The following ARHGAP42 variants were observed in gnomAD, a reference collection of about 807,000 sequenced individuals.
ARHGAP42 encodes the protein Rho GTPase activating protein 42.
ARHGAP42 carries 63 observed loss-of-function variants against 125.0 expected under a neutral mutation model. That is an observed-to-expected ratio of 0.50 (90% confidence interval 0.41 to 0.62). ARHGAP42 has a LOEUF of 0.62. Among genes scored for constraint, ARHGAP42 ranks in the 20% least tolerant of loss-of-function variants. The pLI is 0.00. For missense variants in ARHGAP42, 766 were observed against 1,024.2 expected (o/e 0.75, Z 3.44); for synonymous variants, 339 against 351.0 (o/e 0.97, Z 0.38).
At position 100,979,040 on chromosome 11, in the gene ARHGAP42, C is replaced by T; in HGVS notation, c.2447C>T (p.Ser816Phe). The change falls in exon 22 of 24, where the codon TCT becomes TTT. Residue 816 changes from serine (S) to phenylalanine (F), a missense_variant. Ser to Phe is a radical substitution (Grantham distance 155). Around this residue, in one of 3 missense-constraint regions of ARHGAP42, gnomAD observed 308 missense variants for 369.7 expected, o/e 0.83. Transcript: ENST00000298815. ...FENVGSPKPV[S>F]SGRQAKAMYS... Reference sequence around the variant, plus strand: ...AATGTTGGTTCACCTAAACCAGTTTCTTCTGGGCGGTAAGTTCTCCAAACC... The same window carrying T: ...AATGTTGGTTCACCTAAACCAGTTTTTTCTGGGCGGTAAGTTCTCCAAACC... 1 of 1,551,550 alleles carries T rather than the reference C, an allele frequency of 6.4e-7. No individual in the cohort carries two copies. Among genetic ancestry groups the T allele is most frequent in the Non-Finnish European group, 8.7e-7 (1 of 1,146,822 alleles).
At chr11:100,887,631 G>T (rs966692977) in intron 4 of ARHGAP42, among the ~76,000 whole-genome samples, 6 of 152,182 alleles carry the variant, frequency 3.9e-5, no homozygotes, top group Non-Finnish European at 7.4e-5. Context: ...GACGTTAAAT[G>T]ATGGACACAG....
At chr11:100,987,474 T>G in intron 22 of ARHGAP42, 39 bp from the exon 23 acceptor site, 3 of 1,480,600 alleles carry the variant, frequency 2.0e-6, no homozygotes, top group Non-Finnish European at 2.8e-6. Flanking sequence ...GTCCTTAGGT[T>G]GAGTGTTGAG....
chr11:100,914,861 C>T (rs1022195463), intron 5 of ARHGAP42, among the ~76,000 whole-genome samples: 4 of 152,134 alleles, frequency 2.6e-5, no homozygotes, highest in African/African-American at 9.7e-5. Flanking sequence ...TGCTTGACAA[C>T]TCAGAGTGTT....
Position 100,988,864 on chromosome 11 carries a change from T to C in ARHGAP42, c.*63T>C. The C allele has an allele frequency of 7.9e-7, 1 of 1,265,020 alleles. No individual in the cohort carries two copies. Among genetic ancestry groups the C allele is most frequent in the South Asian group, 1.4e-5 (1 of 73,128 alleles). The allele number at this position is 1,265,020 out of a possible 1,614,324, so 78.4% of individuals were successfully genotyped here. Reference sequence around the variant, plus strand: ...TGGTAACGAATAAATGCTATGATTTTATCTGACACAGATACACGGGGATCA... The same window carrying C: ...TGGTAACGAATAAATGCTATGATTTCATCTGACACAGATACACGGGGATCA... On this transcript the variant is annotated 3_prime_UTR_variant, in exon 24 of 24. Transcript: ENST00000298815.
At position 100,863,049 on chromosome 11, in the gene ARHGAP42, AAAAACAC is replaced by A. The variant is rs1476814339; in HGVS notation, c.384+3433_384+3439del. On this transcript the variant is annotated intron_variant, in intron 4 of 23. Coordinates refer to ENST00000298815, the MANE Select transcript of ARHGAP42 (RefSeq NM_152432.4). ...CGAAACTCCGTCTCAAAAAAAAAAA[AAAAACAC>A]AAAACACACACACACACACACACAC... 2.5e-4 allele frequency among the ~76,000 whole-genome samples: 22 copies of A among 89,226 alleles called. No homozygotes were observed. In the East Asian group the frequency reaches 6.4e-3, roughly 26 times the overall value. 58.5% of individuals were successfully genotyped at this position (89,226 alleles called of 152,430 possible). A position where few individuals can be genotyped will look rare whatever the true frequency, so the allele number is the denominator to read the frequency against.
chr11:100,707,420 A>G (rs893468069), intron 1 of ARHGAP42, among the ~76,000 whole-genome samples: 11 of 152,220 alleles, frequency 7.2e-5, no homozygotes, highest in African/African-American at 2.7e-4. Flanking sequence ...TTTCGTAACA[A>G]ATTCAGACAG....
At chr11:100,900,938 A>G (rs1866528971) in intron 4 of ARHGAP42, among the ~76,000 whole-genome samples, 1 of 152,120 alleles carries the variant, frequency 6.6e-6, no homozygotes, top group South Asian at 2.1e-4. Flanking sequence ...ATTGCTGACG[A>G]GGAGCTGCGA....
At chr11:100,842,559 TG>T (rs1864967894) in intron 3 of ARHGAP42, among the ~76,000 whole-genome samples, 1 of 152,078 alleles carries the variant, frequency 6.6e-6, no homozygotes, top group Non-Finnish European at 1.5e-5. Context: ...TTAGGAAGCA[TG>T]GAGCAAAGTC....
chr11:100,763,127 C>T (rs930905834), intron 1 of ARHGAP42, among the ~76,000 whole-genome samples: 1 of 151,234 alleles, frequency 6.6e-6, no homozygotes, highest in Non-Finnish European at 1.5e-5. Flanking sequence ...TACAGGCATG[C>T]GCTACCATGC....
At position 100,827,959 on chromosome 11, in the gene ARHGAP42, T is replaced by C. The variant is rs568204588; in HGVS notation, c.313-31595T>C. Reference sequence around the variant, plus strand: ...CACATGGGAGTGGGGGTAAGAGATTTAGAGGCTTTTTATTTCCTAAGTGTT... The same window carrying C: ...CACATGGGAGTGGGGGTAAGAGATTCAGAGGCTTTTTATTTCCTAAGTGTT... On this transcript the variant is annotated intron_variant, in intron 3 of 23. Transcript: ENST00000298815. 3.3e-5 allele frequency among the ~76,000 whole-genome samples: 5 copies of C among 152,310 alleles called. No individual in the cohort carries two copies. The East Asian group carries it at 9.7e-4, about 29-fold the overall frequency.
chr11:100,925,999 T>C (rs1426081427), intron 6 of ARHGAP42, among the ~76,000 whole-genome samples: 1 of 152,174 alleles, frequency 6.6e-6, no homozygotes, highest in Admixed American at 6.5e-5. Flanking sequence ...GTTCTAGAAG[T>C]ACTCTGAACA....
intron 1 of ARHGAP42, among the ~76,000 whole-genome samples, chr11:100,729,396 A>G (rs7126015): frequency 0.29 from 44,698 of 151,972 alleles, 6,972 homozygotes; most frequent in African/African-American, 0.37. Flanking sequence ...ATTAAAGCAT[A>G]AGAAAACTGT....
At position 100,992,804 on chromosome 11, in the gene ARHGAP42, A is replaced by G; in HGVS notation, c.*4003A>G. On this transcript the variant is annotated 3_prime_UTR_variant, in exon 24 of 24. Transcript: ENST00000298815. ...AATCTTACATAAGAATGTTGACAACATTCACAGTAAGCCATTGGCAGAAAA... is the reference window on the plus strand; with the variant it reads ...AATCTTACATAAGAATGTTGACAACGTTCACAGTAAGCCATTGGCAGAAAA... The G allele has an allele frequency of 7.5e-7, 1 of 1,329,750 alleles. No homozygotes were observed. Among genetic ancestry groups the G allele is most frequent in the Non-Finnish European group, 1.0e-6 (1 of 970,312 alleles). The allele number at this position is 1,329,750 out of a possible 1,614,324, so 82.4% of individuals were successfully genotyped here. A position where few individuals can be genotyped will look rare whatever the true frequency, so the allele number is the denominator to read the frequency against.
intron 4 of ARHGAP42, chr11:100,859,940 G>A (rs1274637362): frequency 5.1e-6 from 1 of 197,358 alleles, no homozygotes; most frequent in African/African-American, 2.3e-5. Flanking sequence ...ATTAGGCACA[G>A]GGCACATTGA....
intron 4 of ARHGAP42, among the ~76,000 whole-genome samples, chr11:100,871,870 A>G (rs1865704751): frequency 6.6e-6 from 1 of 152,138 alleles, no homozygotes; most frequent in Non-Finnish European, 1.5e-5. Context: ...CAGCCGCCTG[A>G]GTAGCTGGGA....
intron 3 of ARHGAP42, among the ~76,000 whole-genome samples, chr11:100,850,145 CA>C (rs1865168035): frequency 1.3e-5 from 2 of 152,060 alleles, no homozygotes; most frequent in South Asian, 4.1e-4. Flanking sequence ...GGCATCAGCA[CA>C]ATACTGAAAC....
At position 100,962,417 on chromosome 11, in the gene ARHGAP42, C is replaced by G. The variant is rs1175597600; in HGVS notation, c.1394C>G (p.Ala465Gly). 4 of 1,550,672 alleles carry G rather than the reference C, an allele frequency of 2.6e-6. No homozygotes were observed. The African/African-American group carries it at 5.5e-5, about 21-fold the overall frequency. The change falls in exon 16 of 24, where the codon GCA (alanine) becomes GGA (glycine). Residue 465 changes from alanine (A) to glycine (G), a missense_variant. Coordinates refer to ENST00000298815, the MANE Select transcript of ARHGAP42 (RefSeq NM_152432.4). ...SGLKNYLRCL[A>G]EPLMTYKLHK... The stretch of plus-strand genomic sequence containing the variant: ...TCCTTTCTCTGTTGTAGGTGCCTTG[C>G]AGAACCACTGATGACTTACAAGTTG...
Position 100,959,908 on chromosome 11 carries a change from C to A in ARHGAP42, c.1188C>A (p.Asn396Lys). 3 of 1,551,448 alleles carry A rather than the reference C, an allele frequency of 1.9e-6. No individual in the cohort carries two copies. Among genetic ancestry groups the A allele is most frequent in the Non-Finnish European group, 2.6e-6 (3 of 1,146,580 alleles). Residue 396 changes from asparagine (N) to lysine (K), a missense_variant, in exon 13 of 24, where the codon AAC (asparagine) becomes AAA (lysine). Coordinates refer to ENST00000298815, the MANE Select transcript of ARHGAP42 (RefSeq NM_152432.4). ...TGTATTTGAATGAAGCAGGGTTCAA[C>A]TTTGTGAGAAAATGCATTCAAGCTG... ...EEMYLNEAGFNFVRKCIQAVE... is the reference protein window; with the variant it reads ...EEMYLNEAGFKFVRKCIQAVE...
chr11:100,795,058 A>T, intron 2 of ARHGAP42, 47 bp from the exon 3 acceptor site: 1 of 1,377,012 alleles, frequency 7.3e-7, no homozygotes, highest in Non-Finnish European at 9.9e-7. Context: ...ATTAGATATT[A>T]GCTATGAAAA....
Sources: gnomAD v4.1 joint callset for allele counts (sites outside exome capture counted in the v4.1 genomes callset) on GRCh38, gnomAD v4.1.1 for gene constraint, gnomAD v4.1.1 regional missense constraint, MANE v1.5 for transcripts, NCBI Gene and HGNC (gene_info 2026-07-23, HGNC 2026-07-21) for gene names.